The following GRIP1 variants were observed in gnomAD, a reference collection of about 807,000 sequenced individuals.
GRIP1 encodes glutamate receptor-interacting protein 1.
A neutral mutation model predicts 129.9 loss-of-function variants in GRIP1; 45 were observed. The observed-to-expected ratio is 0.35, with a 90% CI of 0.27 to 0.44. The LOEUF is 0.44. Ranked by LOEUF, GRIP1 falls within the 20% of genes least tolerant of loss-of-function variation. The pLI is 1.00. For missense variants in GRIP1, 1,196 were observed against 1,396.8 expected, an observed-to-expected ratio of 0.86 and a Z score of 2.29; for synonymous variants, 530 against 520.8, an observed-to-expected ratio of 1.02 and a Z score of -0.24.
rs1383463544 is a variant in GRIP1, at chr12:66,531,316, C to CATACAT, written c.419-1408_419-1403dup. Reference sequence around the variant, plus strand: ...ATATATATATATACACACACACACACATACATATACATATATACATATATA... The same window carrying CATACAT: ...ATATATATATATACACACACACACACATACATATACATATACATATATACATATATA... On this transcript the variant is annotated intron_variant, in intron 4 of 24. Transcript: ENST00000359742. Among the ~76,000 whole-genome samples, 11 of 73,298 alleles carry CATACAT rather than the reference C, an allele frequency of 1.5e-4. 1 individual carries two copies. Among genetic ancestry groups the CATACAT allele is most frequent in the African/African-American group, 6.4e-4 (10 of 15,598 alleles). 48.1% of individuals were successfully genotyped at this position (73,298 alleles called of 152,430 possible).
chr12:67,030,142 C>T lies in GRIP1; in HGVS notation c.58+38908G>A, dbSNP rs181155044. Reference sequence around the variant, plus strand: ...AGGAGAATGGCATGAACCCGGGAGGCAGAGCTTGCAGTGAGCCAAGATCGC... The same window carrying T: ...AGGAGAATGGCATGAACCCGGGAGGTAGAGCTTGCAGTGAGCCAAGATCGC... On this transcript the variant is annotated intron_variant, in intron 1 of 1. Transcript: ENST00000643019. Among the ~76,000 whole-genome samples the T allele has an allele frequency of 3.9e-3, 583 of 150,982 alleles. 5 individuals carry two copies. Among genetic ancestry groups the T allele is most frequent in the Admixed American group, 9.6e-3 (145 of 15,154 alleles).
chr12:66,950,510 A>G (rs559185160), intron 1 of GRIP1, among the ~76,000 whole-genome samples: 3 of 152,296 alleles, frequency 2.0e-5, no homozygotes, highest in East Asian at 1.9e-4. Context: ...TTTCTAAAAT[A>G]AATTTTTCAC....
intron 1 of GRIP1, among the ~76,000 whole-genome samples, chr12:66,961,679 C>T (rs1592396876): frequency 6.6e-6 from 1 of 151,960 alleles, no homozygotes; most frequent in South Asian, 2.1e-4. Context: ...TTTTAAAGCT[C>T]ATTTGTTCAT....
intron 14 of GRIP1, among the ~76,000 whole-genome samples, chr12:66,428,431 A>C (rs1164576314): frequency 3.3e-5 from 5 of 152,182 alleles, no homozygotes; most frequent in Non-Finnish European, 5.9e-5. Flanking sequence ...TAAGAAAATA[A>C]AGCAAGCCTT....
chr12:66,521,650 G>A (rs1426835478), intron 5 of GRIP1, among the ~76,000 whole-genome samples: 1 of 152,190 alleles, frequency 6.6e-6, no homozygotes, highest in East Asian at 1.9e-4. Flanking sequence ...GCCAGACAGT[G>A]GGTGCAGGAC....
chr12:66,842,013 C>G (rs186323339), intron 1 of GRIP1, among the ~76,000 whole-genome samples: 1 of 152,274 alleles, frequency 6.6e-6, no homozygotes, highest in East Asian at 1.9e-4. Context: ...TTTATCTACC[C>G]TTGCCCCTAT....
chr12:66,682,555 C>T (rs2034626591), upstream of GRIP1, among the ~76,000 whole-genome samples: 2 of 152,142 alleles, frequency 1.3e-5, no homozygotes, highest in African/African-American at 4.8e-5. Flanking sequence ...CATTCCACAG[C>T]TTCATCAGCA....
intron 23 of GRIP1, among the ~76,000 whole-genome samples, chr12:66,354,222 C>T (rs1181897226): frequency 6.6e-6 from 1 of 152,154 alleles, no homozygotes; most frequent in Non-Finnish European, 1.5e-5. Flanking sequence ...CGGCCTGCCC[C>T]CCACCCCGGG....
chr12:66,780,536 GAAC>G (rs2136782754), intron 1 of GRIP1, among the ~76,000 whole-genome samples: 1 of 152,218 alleles, frequency 6.6e-6, no homozygotes, highest in South Asian at 2.1e-4. Context: ...ATCAGGACAG[GAAC>G]AACAGCAATG....
At chr12:66,469,920 C>T (rs2059390502) in intron 7 of GRIP1, among the ~76,000 whole-genome samples, 1 of 152,152 alleles carries the variant, frequency 6.6e-6, no homozygotes, top group African/African-American at 2.4e-5. Flanking sequence ...TTTCCTTCTC[C>T]AGTGATGGGT....
chr12:66,920,636 C>G lies in GRIP1; in HGVS notation c.58+148414G>C, dbSNP rs149128058. ...CTCTTCCCCACCAGGTCACTGATTA[C>G]TCTTAATATTTTTATGTGTCTAGGA... On this transcript the variant is annotated intron_variant, in intron 1 of 1. Transcript: ENST00000643019. Among the ~76,000 whole-genome samples the G allele has an allele frequency of 3.7e-4, 56 of 152,296 alleles. 1 individual carries two copies. The East Asian group carries it at 9.6e-3, about 26-fold the overall frequency.
chr12:66,554,726 A>T (rs2062261654), intron 2 of GRIP1, among the ~76,000 whole-genome samples: 1 of 151,958 alleles, frequency 6.6e-6, no homozygotes, highest in Non-Finnish European at 1.5e-5. Context: ...GAGTCCATGG[A>T]CCTTAAGTGA....
At chr12:66,861,683 A>C (rs769936151) in intron 1 of GRIP1, among the ~76,000 whole-genome samples, 1 of 152,096 alleles carries the variant, frequency 6.6e-6, no homozygotes, top group Non-Finnish European at 1.5e-5. Flanking sequence ...TCATCAATAA[A>C]ATAATAGTTC....
intron 1 of GRIP1, among the ~76,000 whole-genome samples, chr12:66,619,837 A>G (rs1024347071): frequency 2.6e-5 from 4 of 152,184 alleles, no homozygotes; most frequent in African/African-American, 9.6e-5. Flanking sequence ...AGAGGGTTAA[A>G]AAGGGTAAGA....
intron 1 of GRIP1, among the ~76,000 whole-genome samples, chr12:66,619,580 G>T (rs532153418): frequency 4.0e-5 from 6 of 151,810 alleles, no homozygotes; most frequent in African/African-American, 1.4e-4. Flanking sequence ...AGAAGTAAAA[G>T]AAAAAAGGGC....
chr12:66,761,691 T>G (rs763408104), intron 1 of GRIP1, among the ~76,000 whole-genome samples: 27 of 152,198 alleles, frequency 1.8e-4, no homozygotes, highest in Non-Finnish European at 3.2e-4. Flanking sequence ...ACAGCAGGGC[T>G]CATTAAATAT....
At chr12:66,742,172 A>G (rs2036809105) in intron 1 of GRIP1, among the ~76,000 whole-genome samples, 1 of 152,116 alleles carries the variant, frequency 6.6e-6, no homozygotes, top group Admixed American at 6.6e-5. Flanking sequence ...AACTCCATAA[A>G]GTTTCCTCTC....
intron 7 of GRIP1, among the ~76,000 whole-genome samples, chr12:66,490,800 G>T (rs962136578): frequency 1.3e-5 from 2 of 151,956 alleles, no homozygotes; most frequent in African/African-American, 4.8e-5. Context: ...AGTGGGCAAA[G>T]GACATGAACA....
At chr12:66,771,873 G>T (rs1030812804) in intron 1 of GRIP1, among the ~76,000 whole-genome samples, 1 of 152,348 alleles carries the variant, frequency 6.6e-6, no homozygotes, top group East Asian at 1.9e-4. Flanking sequence ...GAGGCTCACT[G>T]CAAGTGCCAC....
Sources: gnomAD v4.1 joint callset for allele counts (sites outside exome capture counted in the v4.1 genomes callset) on GRCh38, gnomAD v4.1.1 for gene constraint, MANE v1.5 for transcripts, NCBI Gene and HGNC (gene_info 2026-07-23, HGNC 2026-07-21) for gene names.